Variants in HPSE2 observed in about 807,000 individuals in gnomAD.
HPSE2 encodes the protein inactive heparanase-2.
Under a neutral mutation model 60.5 loss-of-function variants are expected in HPSE2, and 38 were observed. The ratio of observed to expected loss-of-function variants is 0.63; its 90% confidence interval spans 0.48 to 0.82. The LOEUF (loss-of-function observed/expected upper bound fraction) is 0.82, where lower values mean the gene tolerates loss of function less well. Among genes scored for constraint, HPSE2 ranks in the 40% least tolerant of loss-of-function variants. The probability of loss-of-function intolerance (pLI) is 0.00; values close to 1 mark genes in which losing one functional copy is unlikely to be tolerated. For missense variants in HPSE2, 713 were observed against 740.4 expected (o/e 0.96, Z 0.43); for synonymous variants, 295 against 293.2 (o/e 1.01, Z -0.06).
At chr10:99,117,306 A>T (rs888919486) in intron 3 of HPSE2, among the ~76,000 whole-genome samples, 1 of 150,724 alleles carries the variant, frequency 6.6e-6, no homozygotes, top group Non-Finnish European at 1.5e-5. Flanking sequence ...AGAGAAAACC[A>T]ACTCTAAAGC....
In HPSE2 at chr10:98,630,390, T is replaced by G. The variant is rs58664129; in HGVS notation, c.1099-9682A>C. On this transcript the variant is annotated intron_variant, in intron 7 of 11. Transcript: ENST00000370552. ...TTTTTTGTATTTTTAGTAGAGACGG[T>G]GTTTCACCATGTTAGCCAAGATGGT... Among the ~76,000 whole-genome samples, 566 of 151,920 alleles carry G rather than the reference T, an allele frequency of 3.7e-3. 2 individuals carry two copies. The highest frequency in any genetic ancestry group is 0.013 in the African/African-American group (524 of 41,468).
intron 3 of HPSE2, among the ~76,000 whole-genome samples, chr10:99,142,109 A>C (rs1484387722): frequency 6.6e-6 from 1 of 152,232 alleles, no homozygotes; most frequent in Non-Finnish European, 1.5e-5. Context: ...CCAGACTTAT[A>C]CAGAAAGAAA....
At chr10:98,978,213 C>A (rs1378680456) in intron 3 of HPSE2, among the ~76,000 whole-genome samples, 1 of 151,840 alleles carries the variant, frequency 6.6e-6, no homozygotes, top group African/African-American at 2.4e-5. Context: ...TAAACATGTA[C>A]CTTTGAGTGG....
At chr10:98,764,546 A>G (rs538352494) in intron 3 of HPSE2, among the ~76,000 whole-genome samples, 1 of 152,220 alleles carries the variant, frequency 6.6e-6, no homozygotes, top group Non-Finnish European at 1.5e-5. Flanking sequence ...AAATATAATT[A>G]TATAAATAGG....
chr10:99,260,218 A>G, the HPSE2 span, among the ~76,000 whole-genome samples: 1 of 150,272 alleles, frequency 6.7e-6, no homozygotes, highest in Non-Finnish European at 1.5e-5. Context: ...AATCTCAAAT[A>G]TAGCAACAGC....
intron 3 of HPSE2, among the ~76,000 whole-genome samples, chr10:98,763,179 G>A (rs901646620): frequency 6.6e-6 from 1 of 151,574 alleles, no homozygotes; most frequent in Non-Finnish European, 1.5e-5. Context: ...AATGAACATA[G>A]TCTCAGTGAA....
At chr10:99,153,586 C>T (rs1846382292) in intron 2 of HPSE2, among the ~76,000 whole-genome samples, 1 of 151,608 alleles carries the variant, frequency 6.6e-6, no homozygotes, top group Admixed American at 6.6e-5. Context: ...GACATCCACA[C>T]CAAAAACCCA....
intron 3 of HPSE2, among the ~76,000 whole-genome samples, chr10:99,142,139 A>C (rs1401975346): frequency 6.6e-6 from 1 of 152,174 alleles, no homozygotes; most frequent in African/African-American, 2.4e-5. Flanking sequence ...ATGTGTTCTG[A>C]ATGTGCTGGT....
intron 3 of HPSE2, among the ~76,000 whole-genome samples, chr10:98,963,284 C>T (rs1004530025): frequency 6.6e-6 from 1 of 152,056 alleles, no homozygotes; most frequent in Non-Finnish European, 1.5e-5. Context: ...TTAGACAATA[C>T]AAAAAGCAAA....
At chr10:98,668,878 C>T (rs1014809147) in intron 6 of HPSE2, among the ~76,000 whole-genome samples, 1 of 152,026 alleles carries the variant, frequency 6.6e-6, no homozygotes, top group Non-Finnish European at 1.5e-5. Flanking sequence ...AAACCAATTG[C>T]GACAAAAACA....
At chr10:98,600,607 G>A (rs1311731340) in intron 9 of HPSE2, among the ~76,000 whole-genome samples, 1 of 151,396 alleles carries the variant, frequency 6.6e-6, no homozygotes, top group African/African-American at 2.4e-5. Flanking sequence ...GGAGAAGGAG[G>A]AAAAAAAGAC....
the HPSE2 span, among the ~76,000 whole-genome samples, chr10:99,264,145 T>C: frequency 8.5e-6 from 1 of 117,342 alleles, no homozygotes; most frequent in Non-Finnish European, 2.1e-5. Context: ...TGGAGTGTGG[T>C]GGCGCTATCT....
At chr10:99,194,619 G>C (rs546644903) in intron 2 of HPSE2, among the ~76,000 whole-genome samples, 6 of 151,178 alleles carry the variant, frequency 4.0e-5, no homozygotes, top group Admixed American at 4.0e-4. Context: ...GAGGCTACCT[G>C]AGAAACTACA....
the HPSE2 span, among the ~76,000 whole-genome samples, chr10:99,285,489 A>AGGGT: frequency 1.2e-5 from 1 of 82,662 alleles, no homozygotes; most frequent in Non-Finnish European, 2.2e-5. Flanking sequence ...GGAGGGAGGG[A>AGGGT]GGGAGGGAGG....
chr10:99,116,389 A>G (rs1283386946), intron 3 of HPSE2, among the ~76,000 whole-genome samples: 2 of 152,188 alleles, frequency 1.3e-5, no homozygotes, highest in Non-Finnish European at 2.9e-5. Context: ...AGTCTATCTT[A>G]TTATTCAAAT....
chr10:98,501,242 AAAAAG>A (rs1490816244), intron 9 of HPSE2, among the ~76,000 whole-genome samples: 3 of 152,178 alleles, frequency 2.0e-5, no homozygotes, highest in Non-Finnish European at 4.4e-5. Context: ...ACATAACCAA[AAAAAG>A]AAAACTACAG....
In HPSE2 at chr10:99,133,312, T is replaced by G. The variant is rs144835015; in HGVS notation, c.610+10926A>C. On this transcript the variant is annotated intron_variant, in intron 3 of 11. Transcript: ENST00000370552. The stretch of plus-strand genomic sequence containing the variant: ...GGAAAGGGGCAGCTGTGGGTGCAGT[T>G]TCCGCAAACTTAAATGTCCCTGCCT... Among the ~76,000 whole-genome samples the G allele has an allele frequency of 4.1e-3, 627 of 152,254 alleles. 6 individuals carry two copies. Among genetic ancestry groups the G allele is most frequent in the African/African-American group, 0.014 (602 of 41,556 alleles).
the HPSE2 span, among the ~76,000 whole-genome samples, chr10:99,253,458 C>T: frequency 1.3e-5 from 2 of 152,054 alleles, no homozygotes; most frequent in Non-Finnish European, 2.9e-5. Flanking sequence ...GAAACTGGAC[C>T]CCTACCTTTC....
intron 3 of HPSE2, among the ~76,000 whole-genome samples, chr10:98,868,223 A>C (rs1952643136): frequency 6.6e-6 from 1 of 151,956 alleles, no homozygotes; most frequent in African/African-American, 2.4e-5. Flanking sequence ...TTATTATGTT[A>C]AATGAAATAA....
Sources: allele counts gnomAD v4.1 joint callset (sites outside exome capture counted in the v4.1 genomes callset), GRCh38; gene constraint gnomAD v4.1.1; transcripts MANE v1.5; gene names NCBI Gene and HGNC (gene_info 2026-07-23, HGNC 2026-07-21).